Variants in DMGDH observed in about 807,000 individuals in gnomAD.
DMGDH encodes dimethylglycine dehydrogenase, also known as dimethylglycine dehydrogenase, mitochondrial.
In DMGDH, 76 loss-of-function variants were observed where a neutral mutation model predicts 95.2. That is an observed-to-expected ratio of 0.80 (90% CI 0.66 to 0.97). The LOEUF (loss-of-function observed/expected upper bound fraction) is 0.97, where lower values mean the gene tolerates loss of function less well. Among genes scored for constraint, DMGDH ranks in the 50% least tolerant of loss-of-function variants. DMGDH has a pLI of 0.00. For synonymous variants in DMGDH, 345 were observed against 377.6 expected (o/e 0.91, Z 1.00); for missense variants, 987 against 1,055.0 (o/e 0.94, Z 0.89).
intron 5 of DMGDH, among the ~76,000 whole-genome samples, chr5:79,050,263 A>AT (rs1754807579): frequency 2.8e-5 from 2 of 71,464 alleles, no homozygotes; most frequent in African/African-American, 9.4e-5. Flanking sequence ...AAAAAAAAAA[A>AT]AAAAAAAAAA....
chr5:79,025,655 CAA>C (rs937057328), intron 13 of DMGDH, among the ~76,000 whole-genome samples: 16 of 152,120 alleles, frequency 1.1e-4, no homozygotes, highest in Non-Finnish European at 1.9e-4. Flanking sequence ...AATTCAAACC[CAA>C]GAGTCCCCGC....
At chr5:79,042,812 T>C (rs900942338) in intron 6 of DMGDH, among the ~76,000 whole-genome samples, 1 of 152,146 alleles carries the variant, frequency 6.6e-6, no homozygotes, top group Non-Finnish European at 1.5e-5. Context: ...AAGAAGATCG[T>C]TATGCTTCAA....
intron 14 of DMGDH, chr5:79,021,057 A>T: frequency 2.0e-6 from 2 of 985,766 alleles, no homozygotes; most frequent in Non-Finnish European, 2.4e-6. Context: ...CATACCAAAA[A>T]TACCATTGAG....
rs554324112 is a variant in DMGDH at position 79,055,666 on chromosome 5, T to G, written c.375+144A>C. On this transcript the variant is annotated intron_variant, in intron 3 of 15. Transcript: ENST00000255189. Reference sequence around the variant, plus strand: ...TGATTTTAAAGCAGACTCTAGAGGTTCTTACCTTAAACTCTCATCATATTC... The same window carrying G: ...TGATTTTAAAGCAGACTCTAGAGGTGCTTACCTTAAACTCTCATCATATTC... 172 of 674,470 alleles carry G rather than the reference T, an allele frequency of 2.6e-4. No individual in the cohort carries two copies. The African/African-American group carries it at 2.6e-3, about 10-fold the overall frequency. 41.8% of individuals were successfully genotyped at this position (674,470 alleles called of 1,614,324 possible). A position where few individuals can be genotyped will look rare whatever the true frequency, so the allele number is the denominator to read the frequency against.
At chr5:79,004,017 A>G (rs752040785) in intron 15 of DMGDH, among the ~76,000 whole-genome samples, 1 of 152,100 alleles carries the variant, frequency 6.6e-6, no homozygotes, top group Non-Finnish European at 1.5e-5. Context: ...CAACAGAGAC[A>G]GAAAAGAGAT....
rs1375554580 is a variant in DMGDH at position 79,069,593 on chromosome 5, G to A, written c.28C>T (p.Arg10Trp). 4 of 1,365,682 alleles carry A rather than the reference G, an allele frequency of 2.9e-6. No individual in the cohort carries two copies. The highest frequency in any genetic ancestry group is 1.5e-5 in the African/African-American group (1 of 66,540). 84.6% of individuals were successfully genotyped at this position (1,365,682 alleles called of 1,614,324 possible). Residue 10 changes from arginine (R) to tryptophan (W), a missense_variant, in exon 1 of 16, where the codon CGG (arginine) becomes TGG (tryptophan). Transcript: ENST00000255189. MLRPGAQLL[R>W]GLLLRSCPLQ... ...GGGCAGCTCCGCAGCAGGAGGCCCC[G>A]CAGCAGCTGCGCGCCGGGACGGAGC... is the stretch of plus-strand genomic sequence containing the variant.
At chr5:79,001,691 G>C (rs1477232504) in intron 15 of DMGDH, among the ~76,000 whole-genome samples, 2 of 152,130 alleles carry the variant, frequency 1.3e-5, no homozygotes, top group African/African-American at 2.4e-5. Context: ...GCAGTGATTT[G>C]TCTTGCAGTC....
Position 79,069,585 on chromosome 5 carries a change from G to C in DMGDH, c.36C>G (p.Leu12=), listed in dbSNP as rs1333375809. Residue 12 remains leucine, a synonymous_variant, in exon 1 of 16, where the codon CTC becomes CTG. Coordinates refer to ENST00000255189, the MANE Select transcript of DMGDH (RefSeq NM_013391.3). The stretch of plus-strand genomic sequence containing the variant: ...CCTGCAGCGGGCAGCTCCGCAGCAG[G>C]AGGCCCCGCAGCAGCTGCGCGCCGG... The part of the protein sequence containing the change: ...LRPGAQLLRG[L]LLRSCPLQGS... 7.3e-7 allele frequency: 1 copy of C among 1,361,886 alleles called. No homozygotes were observed. The highest frequency in any genetic ancestry group is 9.5e-7 in the Non-Finnish European group (1 of 1,056,620). The allele number at this position is 1,361,886 out of a possible 1,614,324, so 84.4% of individuals were successfully genotyped here.
rs1403390648 is a variant in DMGDH, at chr5:78,998,160, G to T, written c.2523C>A (p.Val841=). ...TCAATACCAAAGGTTCTTGTATGAT[G>T]ACTGCTGGGTAATTTTTGCCTAATA... ...VELLGKNYPA[V]IIQEPLVLTE... Residue 841 remains valine (V), a synonymous_variant, in exon 16 of 16, where the codon GTC becomes GTA. Coordinates refer to ENST00000255189, the MANE Select transcript of DMGDH (RefSeq NM_013391.3). 1.2e-6 allele frequency: 2 copies of T among 1,614,038 alleles called. No homozygotes were observed. Among genetic ancestry groups the T allele is most frequent in the South Asian group, 1.1e-5 (1 of 91,074 alleles).
chr5:79,067,910 A>G (rs956782913), intron 1 of DMGDH, among the ~76,000 whole-genome samples: 1 of 152,162 alleles, frequency 6.6e-6, no homozygotes, highest in Non-Finnish European at 1.5e-5. Flanking sequence ...AAATAACTCA[A>G]CTTTTGGGTG....
chr5:79,055,244 C>T (rs531887473), intron 3 of DMGDH, among the ~76,000 whole-genome samples: 15 of 152,342 alleles, frequency 9.8e-5, no homozygotes, highest in South Asian at 2.1e-4. Flanking sequence ...AGGTCATGTT[C>T]CTAAGGCCAT....
At position 79,063,616 on chromosome 5, in the gene DMGDH, G is replaced by A. The variant is rs371216310; in HGVS notation, c.273C>T (p.His91=). The A allele has an allele frequency of 1.2e-5, 20 of 1,614,132 alleles. No individual in the cohort carries two copies. Among genetic ancestry groups the A allele is most frequent in the East Asian group, 6.7e-5 (3 of 44,878 alleles). Residue 91 remains histidine, a synonymous_variant, in exon 2 of 16, where the codon CAC becomes CAT. Coordinates refer to ENST00000255189, the MANE Select transcript of DMGDH (RefSeq NM_013391.3). The part of the protein sequence containing the change: ...KSELTAGSTW[H]AAGLTTYFHP... ...CAGTTTGGGGTGCTTTTCTTACTGC[G>A]TGCCAGGTAGATCCAGCCGTGAGCT...
chr5:79,024,622 T>C (rs558665485), intron 13 of DMGDH, among the ~76,000 whole-genome samples: 1 of 152,322 alleles, frequency 6.6e-6, no homozygotes, highest in East Asian at 1.9e-4. Flanking sequence ...ATGTTTCTTC[T>C]AGAAACAAGA....
At chr5:79,067,221 GT>G (rs906308355) in intron 1 of DMGDH, among the ~76,000 whole-genome samples, 2 of 152,164 alleles carry the variant, frequency 1.3e-5, no homozygotes, top group African/African-American at 2.4e-5. Flanking sequence ...TGTTTCAGCA[GT>G]TTTGTTTCAC....
chr5:79,023,125 T>C (rs768508955), intron 14 of DMGDH, among the ~76,000 whole-genome samples: 2 of 152,216 alleles, frequency 1.3e-5, no homozygotes, highest in Non-Finnish European at 2.9e-5. Flanking sequence ...TATTTTAATA[T>C]TATAGCTCAG....
At position 79,019,459 on chromosome 5, in the gene DMGDH, TAA is replaced by T. The variant is rs11300742; in HGVS notation, c.2250+4810_2250+4811del. Among the ~76,000 whole-genome samples, 722 of 148,218 alleles carry T rather than the reference TAA, an allele frequency of 4.9e-3. 5 individuals carry two copies. The highest frequency in any genetic ancestry group is 0.017 in the African/African-American group (677 of 40,738). On this transcript the variant is annotated intron_variant, in intron 14 of 15. Coordinates refer to ENST00000255189, the MANE Select transcript of DMGDH (RefSeq NM_013391.3). Reference sequence around the variant, plus strand: ...CAGTGGTTCTCAATATTCACTGCATTAAAAAAAAAAAATCACCTGTGGAGCTT... The same window carrying T: ...CAGTGGTTCTCAATATTCACTGCATTAAAAAAAAAATCACCTGTGGAGCTT...
At chr5:79,057,426 T>A (rs1561229516) in intron 2 of DMGDH, among the ~76,000 whole-genome samples, 1 of 152,224 alleles carries the variant, frequency 6.6e-6, no homozygotes, top group African/African-American at 2.4e-5. Context: ...TGCACTCAAA[T>A]ATGCCATTAA....
In DMGDH at chr5:79,028,707, A is replaced by G; in HGVS notation, c.1815-57T>C. 3 of 1,547,560 alleles carry G rather than the reference A, an allele frequency of 1.9e-6. No individual in the cohort carries two copies. In the Admixed American group the frequency reaches 5.0e-5, roughly 26 times the overall value. On this transcript the variant is annotated intron_variant, in intron 11 of 15. Coordinates refer to ENST00000255189, the MANE Select transcript of DMGDH (RefSeq NM_013391.3). ...ATTGCTTGAATAATGTACTTTGGTA[A>G]TAAATTATCTCTCTGAAGACATGCT...
intron 1 of DMGDH, among the ~76,000 whole-genome samples, chr5:79,066,225 T>C (rs1227201893): frequency 6.6e-6 from 1 of 152,184 alleles, no homozygotes; most frequent in Non-Finnish European, 1.5e-5. Flanking sequence ...TTTGGAACAG[T>C]TCCTAATACT....
Sources: gnomAD v4.1 joint callset for allele counts (sites outside exome capture counted in the v4.1 genomes callset) on GRCh38, gnomAD v4.1.1 for gene constraint, MANE v1.5 for transcripts, NCBI Gene and HGNC (gene_info 2026-07-23, HGNC 2026-07-21) for gene names.